Variants in RGS7 observed in about 807,000 individuals in gnomAD.
RGS7 encodes regulator of G-protein signaling 7.
Under a neutral mutation model 81.1 loss-of-function variants are expected in RGS7, and 27 were observed. The ratio of observed to expected loss-of-function variants is 0.33; its 90% CI spans 0.25 to 0.46. The LOEUF (loss-of-function observed/expected upper bound fraction) is 0.46, where lower values mean the gene tolerates loss of function less well. Ranked by LOEUF, RGS7 falls within the 20% of genes least tolerant of loss-of-function variation. RGS7 has a pLI of 1.00. For synonymous variants in RGS7, 208 were observed against 207.7 expected, an observed-to-expected ratio of 1.00 and a Z score of -0.01; for missense variants, 396 against 607.4, an observed-to-expected ratio of 0.65 and a Z score of 3.66.
intron 3 of RGS7, among the ~76,000 whole-genome samples, chr1:241,084,479 G>T (rs550194733): frequency 2.0e-5 from 3 of 152,226 alleles, no homozygotes; most frequent in African/African-American, 7.2e-5. Context: ...GGCTTCCTTT[G>T]TTATCAAACT....
chr1:240,826,485 T>C (rs1256768978), intron 10 of RGS7, among the ~76,000 whole-genome samples: 2 of 152,206 alleles, frequency 1.3e-5, no homozygotes, highest in Non-Finnish European at 2.9e-5. Flanking sequence ...AGCACCAATC[T>C]ATAAGCTGTG....
intron 2 of RGS7, among the ~76,000 whole-genome samples, chr1:241,318,466 T>G (rs1279661706): frequency 6.6e-6 from 1 of 151,996 alleles, no homozygotes; most frequent in Non-Finnish European, 1.5e-5. Context: ...TTTTCTTTTT[T>G]TTTTTCCCAG....
At chr1:241,281,082 T>C (rs1459584192) in intron 2 of RGS7, among the ~76,000 whole-genome samples, 1 of 152,152 alleles carries the variant, frequency 6.6e-6, no homozygotes, top group Non-Finnish European at 1.5e-5. Flanking sequence ...AGGTATGCCA[T>C]AAATGCATAA....
chr1:241,120,759 G>C (rs924043826), intron 2 of RGS7, among the ~76,000 whole-genome samples: 1 of 152,102 alleles, frequency 6.6e-6, no homozygotes, highest in Admixed American at 6.6e-5. Flanking sequence ...CCTCTAGATA[G>C]AGAGGAAAAT....
chr1:240,948,472 G>T (rs1361142743), intron 4 of RGS7, among the ~76,000 whole-genome samples: 1 of 151,984 alleles, frequency 6.6e-6, no homozygotes, highest in Non-Finnish European at 1.5e-5. Context: ...TTTTGAGACG[G>T]AGTCTGTGTT....
chr1:240,943,455 A>G (rs1677943877), intron 4 of RGS7, among the ~76,000 whole-genome samples: 1 of 152,226 alleles, frequency 6.6e-6, no homozygotes, highest in Non-Finnish European at 1.5e-5. Flanking sequence ...TGCTCCTGAG[A>G]TGAGAGTTAT....
chr1:240,925,156 A>C (rs1479779859), intron 6 of RGS7, among the ~76,000 whole-genome samples: 1 of 152,186 alleles, frequency 6.6e-6, no homozygotes, highest in African/African-American at 2.4e-5. Flanking sequence ...CAGGGGGTAC[A>C]TGTGCAGGTT....
At chr1:240,837,888 C>T (rs978087869) in intron 9 of RGS7, among the ~76,000 whole-genome samples, 1 of 152,116 alleles carries the variant, frequency 6.6e-6, no homozygotes, top group East Asian at 1.9e-4. Flanking sequence ...ATAATTTTTA[C>T]AACAGATAGC....
At chr1:240,874,759 G>A (rs1015441441) in intron 6 of RGS7, among the ~76,000 whole-genome samples, 7 of 151,994 alleles carry the variant, frequency 4.6e-5, no homozygotes, top group African/African-American at 1.5e-4. Flanking sequence ...ATCTACTCTC[G>A]GCCGGGTGCA....
chr1:240,797,921 T>C (rs139514411), intron 18 of RGS7, among the ~76,000 whole-genome samples: 382 of 152,336 alleles, frequency 2.5e-3, no homozygotes, highest in African/African-American at 8.5e-3. Flanking sequence ...ATGCGGGCAT[T>C]ACACAAATGT....
chr1:241,089,860 G>C (rs1343134309), intron 3 of RGS7, among the ~76,000 whole-genome samples: 1 of 151,902 alleles, frequency 6.6e-6, no homozygotes, highest in Non-Finnish European at 1.5e-5. Context: ...AAAAAAATTA[G>C]CCGGGCGCCT....
intron 4 of RGS7, among the ~76,000 whole-genome samples, chr1:240,977,402 T>A (rs1684297717): frequency 6.6e-6 from 1 of 152,236 alleles, no homozygotes. Context: ...CATATGTGTG[T>A]GTGTGTATTT....
chr1:241,316,945 T>C (rs1168319052), intron 2 of RGS7, among the ~76,000 whole-genome samples: 1 of 152,230 alleles, frequency 6.6e-6, no homozygotes, highest in Non-Finnish European at 1.5e-5. Flanking sequence ...TAATATGTAA[T>C]AGTGAAAGGC....
chr1:240,844,787 A>G (rs1316344189), intron 9 of RGS7, among the ~76,000 whole-genome samples: 1 of 152,246 alleles, frequency 6.6e-6, no homozygotes, highest in East Asian at 1.9e-4. Context: ...CACAAAAGAA[A>G]TATTTAAATT....
chr1:240,945,656 T>A (rs1383032284), intron 4 of RGS7, among the ~76,000 whole-genome samples: 1 of 152,226 alleles, frequency 6.6e-6, no homozygotes, highest in Non-Finnish European at 1.5e-5. Flanking sequence ...ACAGTCACAG[T>A]TTTTATGAAA....
intron 2 of RGS7, among the ~76,000 whole-genome samples, chr1:241,117,525 G>A (rs2065955580): frequency 6.6e-6 from 1 of 152,122 alleles, no homozygotes; most frequent in South Asian, 2.1e-4. Flanking sequence ...ACTTCCTCTG[G>A]GAGGGATCTT....
intron 2 of RGS7, among the ~76,000 whole-genome samples, chr1:241,348,243 G>A (rs763919167): frequency 6.6e-6 from 1 of 152,138 alleles, no homozygotes; most frequent in Non-Finnish European, 1.5e-5. Context: ...GGACAGCATC[G>A]CCATAGAGCA....
chr1:241,183,971 T>C (rs112437539), intron 2 of RGS7, among the ~76,000 whole-genome samples: 2 of 152,116 alleles, frequency 1.3e-5, no homozygotes, highest in Admixed American at 6.5e-5. Context: ...GTTGGGCAGA[T>C]GGACAGAACA....
chr1:240,983,689 C>G (rs978538029), intron 3 of RGS7, among the ~76,000 whole-genome samples: 1 of 152,184 alleles, frequency 6.6e-6, no homozygotes, highest in Non-Finnish European at 1.5e-5. Flanking sequence ...TTGGCCCTTC[C>G]CCTCGTCCAC....
Sources: allele counts gnomAD v4.1 joint callset (sites outside exome capture counted in the v4.1 genomes callset), GRCh38; gene constraint gnomAD v4.1.1; transcripts MANE v1.5; gene names NCBI Gene and HGNC (gene_info 2026-07-23, HGNC 2026-07-21).